The following LMF1 variants were observed in gnomAD, a reference collection of about 807,000 sequenced individuals.
LMF1 encodes the protein transmembrane protein 112.
LMF1 carries 68 observed loss-of-function variants against 60.6 expected under a neutral mutation model. The ratio of observed to expected loss-of-function variants is 1.12; its 90% CI spans 0.92 to 1.37. The LOEUF (loss-of-function observed/expected upper bound fraction) is 1.37, where lower values mean the gene tolerates loss of function less well. Ranked by LOEUF, LMF1 falls within the 40% of genes most tolerant of loss-of-function variation. The probability of loss-of-function intolerance (pLI) is 0.00; values close to 1 mark genes in which losing one functional copy is unlikely to be tolerated. For synonymous variants in LMF1, 418 were observed against 324.7 expected (o/e 1.29, Z -3.09); for missense variants, 948 against 767.2 (o/e 1.24, Z -2.78).
intron 3 of LMF1, among the ~76,000 whole-genome samples, chr16:927,176 C>T (rs986433927): frequency 1.3e-5 from 2 of 152,224 alleles, no homozygotes; most frequent in African/African-American, 4.8e-5. Flanking sequence ...AGAGCCCTTT[C>T]TCACCTTGGA....
intron 3 of LMF1, among the ~76,000 whole-genome samples, chr16:925,547 T>C (rs574974039): frequency 2.4e-4 from 36 of 152,208 alleles, no homozygotes; most frequent in African/African-American, 8.2e-4. Flanking sequence ...CTGGACAACA[T>C]AGCAAGACCC....
At chr16:966,390 C>T (rs1413908355) in intron 1 of LMF1, among the ~76,000 whole-genome samples, 2 of 152,230 alleles carry the variant, frequency 1.3e-5, no homozygotes, top group Non-Finnish European at 2.9e-5. Flanking sequence ...GTCCAGGACT[C>T]GGCCCCCACA....
At chr16:903,600 C>A (rs2070880408) in intron 4 of LMF1, 1 of 116,116 alleles carries the variant, frequency 8.6e-6, no homozygotes, top group Non-Finnish European at 1.7e-5. Context: ...GTGGTGGTGA[C>A]CTCTGCATCG....
intron 10 of LMF1, chr16:856,046 C>T (rs1248299188): frequency 2.3e-6 from 1 of 437,156 alleles, no homozygotes; most frequent in East Asian, 7.0e-5. Context: ...GAGGAGGGTC[C>T]CTGAGGCGCC....
intron 1 of LMF1, among the ~76,000 whole-genome samples, chr16:967,333 A>T (rs1052094907): frequency 2.6e-5 from 4 of 152,224 alleles, no homozygotes; most frequent in African/African-American, 9.6e-5. Flanking sequence ...CACAACGTCG[A>T]CGCACGACCC....
chr16:865,312 G>A (rs768332689), intron 10 of LMF1, among the ~76,000 whole-genome samples: 7 of 152,156 alleles, frequency 4.6e-5, no homozygotes, highest in Non-Finnish European at 8.8e-5. Context: ...CAACATGATT[G>A]GAACTCAAGA....
At chr16:890,499 C>T (rs1273445168) in intron 5 of LMF1, among the ~76,000 whole-genome samples, 1 of 152,202 alleles carries the variant, frequency 6.6e-6, no homozygotes, top group African/African-American at 2.4e-5. Context: ...ACCATCAGGA[C>T]ATCAGGCTCA....
intron 10 of LMF1, among the ~76,000 whole-genome samples, chr16:861,406 G>A (rs1267824913): frequency 2.0e-4 from 29 of 143,800 alleles, no homozygotes; most frequent in Non-Finnish European, 4.0e-4. Context: ...CGCCCAGGCT[G>A]GAGTGCAGTG....
intron 10 of LMF1, among the ~76,000 whole-genome samples, chr16:859,209 T>A (rs867016663): frequency 0.013 from 547 of 42,888 alleles, no homozygotes; most frequent in Middle Eastern, 0.031. Context: ...GAGTGGTGTC[T>A]CGGGACGGGT....
At chr16:870,141 G>A (rs990120385) in intron 8 of LMF1, 75 bp from the exon 9 acceptor site, 6 of 1,489,284 alleles carry the variant, frequency 4.0e-6, no homozygotes, top group African/African-American at 1.4e-5. Context: ...GGTGGGGGGG[G>A]TTCCCCGACT....
chr16:909,235 G>A (rs1596970271), intron 4 of LMF1, among the ~76,000 whole-genome samples: 1 of 152,200 alleles, frequency 6.6e-6, no homozygotes, highest in African/African-American at 2.4e-5. Flanking sequence ...ACGCAGGGAT[G>A]TGAGTGAGGG....
chr16:971,936 TTTTG>T (rs1341295213), upstream of LMF1, among the ~76,000 whole-genome samples: 1 of 152,242 alleles, frequency 6.6e-6, no homozygotes, highest in Middle Eastern at 3.2e-3. Flanking sequence ...TGTCCTGGTT[TTTTG>T]TTTTTGTTTT....
At position 879,678 on chromosome 16, in the gene LMF1, A is replaced by G. The variant is rs1374350211; in HGVS notation, c.789T>C (p.His263=). 19 of 1,609,280 alleles carry G rather than the reference A, an allele frequency of 1.2e-5. No individual in the cohort carries two copies. The highest frequency in any genetic ancestry group is 1.7e-5 in the Admixed American group (1 of 59,332). ...YYLHHSPWWF[H]RFETLSNHFI... ...AGTGGTTGCTGAGCGTCTCGAAGCG[A>G]TGGAACCACCAGGGTGAGTGGTGCA... Residue 263 remains histidine, a synonymous_variant, in exon 6 of 11, where the codon CAT becomes CAC. Transcript: ENST00000262301.
At chr16:938,041 A>AC (rs1258876107) in intron 2 of LMF1, among the ~76,000 whole-genome samples, 1 of 123,512 alleles carries the variant, frequency 8.1e-6, no homozygotes, top group Non-Finnish European at 1.6e-5. Flanking sequence ...GTTACCAAAA[A>AC]AAAAATACCA....
chr16:972,033 G>A (rs568773728), upstream of LMF1, among the ~76,000 whole-genome samples: 6 of 152,184 alleles, frequency 3.9e-5, no homozygotes, highest in South Asian at 6.2e-4. Context: ...CAAATGACCC[G>A]TCTTTATTGC....
At chr16:972,461 C>T (rs373227608), upstream of LMF1, among the ~76,000 whole-genome samples, 1 of 152,196 alleles carries the variant, frequency 6.6e-6, no homozygotes, top group African/African-American at 2.4e-5. Context: ...GCCCACGACC[C>T]GTACCTCTCC....
rs1434998034 is a variant in LMF1, at chr16:854,474, G to A, written c.*58C>T. The A allele has an allele frequency of 2.6e-6, 4 of 1,517,574 alleles. No homozygotes were observed. The South Asian group carries it at 3.6e-5, about 13-fold the overall frequency. 94.0% of individuals were successfully genotyped at this position (1,517,574 alleles called of 1,614,324 possible). ...CCAGCTTGGGCTGGGCGCAGGGAAG[G>A]GCAAACGTTGCTGAGCCGCCGAGGG... On this transcript the variant is annotated 3_prime_UTR_variant, in exon 11 of 11. Transcript: ENST00000262301.
rs2069913959 is a variant in LMF1 at position 874,582 on chromosome 16, G to A, written c.898-3241C>T. On this transcript the variant is annotated intron_variant, in intron 6 of 10. Transcript: ENST00000262301. This position sits in a 1 kb window ranked among gnomAD's most constrained non-coding sequence, Gnocchi z 4.1. ...CAGGCAGCGGCCCCAGGGCCCCGCGGAACCCTCCGGAACAGCTGTGTAAAC... is the reference window on the plus strand; with the variant it reads ...CAGGCAGCGGCCCCAGGGCCCCGCGAAACCCTCCGGAACAGCTGTGTAAAC... 6.6e-6 allele frequency among the ~76,000 whole-genome samples: 1 copy of A among 152,128 alleles called. No individual in the cohort carries two copies. Among genetic ancestry groups the A allele is most frequent in the African/African-American group, 2.4e-5 (1 of 41,408 alleles).
In LMF1 at chr16:871,275, A is replaced by G. The variant is rs1258023222; in HGVS notation, c.964T>C (p.Cys322Arg). The G allele has an allele frequency of 6.2e-7, 1 of 1,612,614 alleles. No individual in the cohort carries two copies. The highest frequency in any genetic ancestry group is 1.1e-5 in the South Asian group (1 of 91,022). The change falls in exon 7 of 11, where the codon TGC (cysteine) becomes CGC (arginine). Residue 322 changes from cysteine to arginine, a missense_variant. By Grantham distance (180) the Cys-to-Arg change is radical. Transcript: ENST00000262301. ...NWLTMVPSLA[C>R]FDDATLGFLF... ...AATCCCAGGGTGGCGTCATCAAAGCAGGCCAGGCTGGGCACCATAGTCAGC... is the reference window on the plus strand; with the variant it reads ...AATCCCAGGGTGGCGTCATCAAAGCGGGCCAGGCTGGGCACCATAGTCAGC...
Sources: gnomAD v4.1 joint callset for allele counts (sites outside exome capture counted in the v4.1 genomes callset) on GRCh38, gnomAD v4.1.1 for gene constraint, Gnocchi (gnomAD v3.1) non-coding constraint, MANE v1.5 for transcripts, NCBI Gene and HGNC (gene_info 2026-07-23, HGNC 2026-07-21) for gene names.